The following LIN52 variants were observed in gnomAD, a reference collection of about 807,000 sequenced individuals.
LIN52 encodes the protein protein lin-52 homolog.
A neutral mutation model predicts 18.5 loss-of-function variants in LIN52; 4 were observed. That is an observed-to-expected ratio of 0.22 (90% CI 0.11 to 0.49). LIN52 has a LOEUF of 0.49. Among genes scored for constraint, LIN52 ranks in the 20% least tolerant of loss-of-function variants. The pLI is 0.97. For missense variants in LIN52, 102 were observed against 139.5 expected (o/e 0.73, Z 1.35); for synonymous variants, 34 against 45.5 (o/e 0.75, Z 1.02).
intron 5 of LIN52, among the ~76,000 whole-genome samples, chr14:74,131,757 C>T (rs992939633): frequency 6.6e-6 from 1 of 152,158 alleles, no homozygotes; most frequent in African/African-American, 2.4e-5. Flanking sequence ...TTCTGTTATA[C>T]TGTTATAGTC....
At chr14:74,103,411 T>G (rs1437542514) in intron 5 of LIN52, among the ~76,000 whole-genome samples, 2 of 147,830 alleles carry the variant, frequency 1.4e-5, no homozygotes, top group East Asian at 2.0e-4. Context: ...TCAGGAACAG[T>G]GGCACAAAAT....
At chr14:74,119,444 A>G (rs554135526) in intron 5 of LIN52, among the ~76,000 whole-genome samples, 20 of 152,260 alleles carry the variant, frequency 1.3e-4, no homozygotes, top group Middle Eastern at 3.4e-3. Flanking sequence ...GATTACAGGC[A>G]TGAGCCGCCG....
At chr14:74,152,754 G>T (rs1052645132) in intron 5 of LIN52, among the ~76,000 whole-genome samples, 11 of 151,882 alleles carry the variant, frequency 7.2e-5, no homozygotes, top group African/African-American at 2.7e-4. Flanking sequence ...AAGGTCAGGA[G>T]TTCGAGACCA....
chr14:74,149,047 A>G (rs548924839), intron 5 of LIN52, among the ~76,000 whole-genome samples: 1 of 152,196 alleles, frequency 6.6e-6, no homozygotes, highest in Non-Finnish European at 1.5e-5. Flanking sequence ...TTTCTTCTAC[A>G]TGTTAAATGT....
At chr14:74,125,467 G>GT (rs959126402) in intron 5 of LIN52, among the ~76,000 whole-genome samples, 1 of 151,964 alleles carries the variant, frequency 6.6e-6, no homozygotes, top group Non-Finnish European at 1.5e-5. Flanking sequence ...GGGGTTGTTT[G>GT]TTTTTTTCTT....
chr14:74,128,264 G>A (rs1279633200), intron 5 of LIN52, among the ~76,000 whole-genome samples: 1 of 152,146 alleles, frequency 6.6e-6, no homozygotes, highest in Non-Finnish European at 1.5e-5. Context: ...TGAGAGTGTG[G>A]AGAGGCCAAG....
chr14:74,134,532 A>T (rs920184862), intron 5 of LIN52, among the ~76,000 whole-genome samples: 1 of 152,218 alleles, frequency 6.6e-6, no homozygotes, highest in African/African-American at 2.4e-5. Context: ...GATATGGTAG[A>T]TGTGAAAAAT....
In LIN52 at chr14:74,088,160, G is replaced by A. The variant is rs1035167136; in HGVS notation, c.20-3072G>A. Among the ~76,000 whole-genome samples, 6 of 152,026 alleles carry A rather than the reference G, an allele frequency of 3.9e-5. No homozygotes were observed. In the South Asian group the frequency reaches 1.0e-3, roughly 26 times the overall value. On this transcript the variant is annotated intron_variant, in intron 1 of 5. Transcript: ENST00000555028. ...GGCTGGAGTGCTGTGGCATGATCTC[G>A]GGTCACTGCAACCTCCGCCTCCTGG...
intron 5 of LIN52, among the ~76,000 whole-genome samples, chr14:74,163,661 A>G (rs990489230): frequency 6.6e-6 from 1 of 152,172 alleles, no homozygotes; most frequent in Non-Finnish European, 1.5e-5. Context: ...CCTCAAGGAG[A>G]GAACAAGAGA....
At position 74,160,633 on chromosome 14, in the gene LIN52, G is replaced by A. The variant is rs1036503223; in HGVS notation, c.284-38289G>A. Among the ~76,000 whole-genome samples the A allele has an allele frequency of 6.6e-5, 10 of 152,012 alleles. 1 individual carries two copies. Among genetic ancestry groups the A allele is most frequent in the Non-Finnish European group, 1.5e-4 (10 of 68,004 alleles). ...AGTCTTCTACAGTTTAGGCCATACC[G>A]GTTTTCAGAAATCCCTTCTAGTTAA... is the stretch of plus-strand genomic sequence containing the variant. On this transcript the variant is annotated intron_variant, in intron 5 of 5. Transcript: ENST00000555028.
At chr14:74,166,662 T>C (rs1375435474) in intron 5 of LIN52, among the ~76,000 whole-genome samples, 1 of 152,204 alleles carries the variant, frequency 6.6e-6, no homozygotes, top group East Asian at 1.9e-4. Flanking sequence ...AACCCAAAAT[T>C]CAAGGCTTTA....
chr14:74,134,418 C>T (rs1002843731), intron 5 of LIN52, among the ~76,000 whole-genome samples: 1 of 152,098 alleles, frequency 6.6e-6, no homozygotes, highest in African/African-American at 2.4e-5. Flanking sequence ...ACCTTGGCCT[C>T]TCTTGTTTGT....
chr14:74,172,520 A>G (rs1483111088), intron 5 of LIN52, among the ~76,000 whole-genome samples: 1 of 152,214 alleles, frequency 6.6e-6, no homozygotes, highest in African/African-American at 2.4e-5. Flanking sequence ...CCATAGCACA[A>G]ACTCTTCACT....
At chr14:74,155,160 T>C (rs1214341098) in intron 5 of LIN52, among the ~76,000 whole-genome samples, 2 of 152,228 alleles carry the variant, frequency 1.3e-5, no homozygotes, top group Non-Finnish European at 2.9e-5. Flanking sequence ...GAAAGCTTGC[T>C]TGTTGCTTGT....
intron 5 of LIN52, among the ~76,000 whole-genome samples, chr14:74,188,315 T>C (rs777203479): frequency 2.0e-5 from 3 of 152,194 alleles, no homozygotes; most frequent in Non-Finnish European, 4.4e-5. Context: ...ATGCAAGTCA[T>C]ACACAAAGTG....
intron 2 of LIN52, among the ~76,000 whole-genome samples, chr14:74,093,350 G>A (rs936153613): frequency 1.5e-5 from 2 of 133,084 alleles, no homozygotes; most frequent in African/African-American, 5.8e-5. Context: ...TTGAGATGGA[G>A]TTTCACTCTT....
At chr14:74,173,209 CAG>C in intron 5 of LIN52, among the ~76,000 whole-genome samples, 1 of 152,062 alleles carries the variant, frequency 6.6e-6, no homozygotes, top group East Asian at 1.9e-4. Flanking sequence ...TTTTTTGAGA[CAG>C]AGTTTCGCTC....
intron 5 of LIN52, among the ~76,000 whole-genome samples, chr14:74,119,386 G>A (rs1371808309): frequency 1.3e-5 from 2 of 151,846 alleles, no homozygotes; most frequent in Non-Finnish European, 2.9e-5. Context: ...GGATGGTCTC[G>A]ATCTCCTGAC....
At chr14:74,140,643 C>A (rs1285475579) in intron 5 of LIN52, among the ~76,000 whole-genome samples, 1 of 152,200 alleles carries the variant, frequency 6.6e-6, no homozygotes, top group Non-Finnish European at 1.5e-5. Context: ...GAAATCTGGG[C>A]CAGAGGTCCC....
Sources: allele counts gnomAD v4.1 joint callset (sites outside exome capture counted in the v4.1 genomes callset), GRCh38; gene constraint gnomAD v4.1.1; transcripts MANE v1.5; gene names NCBI Gene and HGNC (gene_info 2026-07-23, HGNC 2026-07-21).